Variants in ANKRD6 observed in about 807,000 individuals in gnomAD.
ANKRD6 encodes the protein ankyrin repeat domain 6.
A neutral mutation model predicts 82.3 loss-of-function variants in ANKRD6; 56 were observed. That is an observed-to-expected ratio of 0.68 (90% CI 0.55 to 0.85). The LOEUF (loss-of-function observed/expected upper bound fraction) is 0.85. Among genes scored for constraint, ANKRD6 ranks in the 40% least tolerant of loss-of-function variants. The pLI is 0.00. For synonymous variants in ANKRD6, 347 were observed against 352.1 expected (o/e 0.99, Z 0.16); for missense variants, 852 against 907.6 (o/e 0.94, Z 0.79).
intron 1 of ANKRD6, among the ~76,000 whole-genome samples, chr6:89,473,280 G>A (rs1365632964): frequency 2.6e-5 from 4 of 151,910 alleles, no homozygotes; most frequent in African/African-American, 4.8e-5. Context: ...GCATGGCGGC[G>A]TATGCCCATA....
intron 1 of ANKRD6, among the ~76,000 whole-genome samples, chr6:89,533,727 AGTGTGTGTGTGTGTGT>A (rs59064465): frequency 1.7e-4 from 24 of 142,038 alleles, no homozygotes; most frequent in Admixed American, 4.2e-4. Flanking sequence ...AGAGAAAATG[AGTGTGTGTGTGTGTGT>A]GTGTGTGTGT....
rs560151301 is a variant in ANKRD6 at position 89,454,132 on chromosome 6, G to T, written c.-144+20757G>T. On this transcript the variant is annotated intron_variant, in intron 1 of 15. Coordinates refer to ENST00000339746, the MANE Select transcript of ANKRD6 (RefSeq NM_001242809.2). ...TTCCTTTAATGCGAAGTTTTTGCTG[G>T]TGTCATTTCTTCATTTTTTTTCATC... Among the ~76,000 whole-genome samples the T allele has an allele frequency of 6.6e-5, 10 of 152,136 alleles. No individual in the cohort carries two copies. In the South Asian group the frequency reaches 2.1e-3, roughly 32 times the overall value.
intron 1 of ANKRD6, among the ~76,000 whole-genome samples, chr6:89,469,005 C>G (rs1026804967): frequency 6.6e-6 from 1 of 152,086 alleles, no homozygotes; most frequent in Non-Finnish European, 1.5e-5. Flanking sequence ...AAGCTGTCTC[C>G]TGGCTTTTGG....
In ANKRD6 at chr6:89,532,291, C is replaced by T. The variant is rs186362321; in HGVS notation, c.-143-34543C>T. Among the ~76,000 whole-genome samples, 13 of 152,334 alleles carry T rather than the reference C, an allele frequency of 8.5e-5. No individual in the cohort carries two copies. In the East Asian group the frequency reaches 2.5e-3, roughly 29 times the overall value. ...AACCATCACCTCCCTCTTTTGCTTT[C>T]TGTCGTCTGTTTATACTGGACCTCT... On this transcript the variant is annotated intron_variant, in intron 1 of 15. Transcript: ENST00000339746.
chr6:89,438,948 C>T (rs1770994273), intron 1 of ANKRD6, among the ~76,000 whole-genome samples: 1 of 152,078 alleles, frequency 6.6e-6, no homozygotes, highest in Non-Finnish European at 1.5e-5. Context: ...TGGCCTATTT[C>T]TTACTTTCTA....
At chr6:89,563,173 A>G (rs113841580) in intron 1 of ANKRD6, among the ~76,000 whole-genome samples, 4,247 of 152,320 alleles carry the variant, frequency 0.028, 90 homozygotes, top group Non-Finnish European at 0.042. Flanking sequence ...AGCAAACCTT[A>G]TAGACCTTTT....
chr6:89,460,175 C>A (rs1054732109), intron 1 of ANKRD6, among the ~76,000 whole-genome samples: 1 of 149,766 alleles, frequency 6.7e-6, no homozygotes, highest in South Asian at 2.2e-4. Context: ...AGATCATGAT[C>A]ACAGAGACAG....
chr6:89,567,287 A>G (rs2128072635), intron 2 of ANKRD6, among the ~76,000 whole-genome samples, 191 bp downstream of exon 2: 1 of 152,314 alleles, frequency 6.6e-6, no homozygotes, highest in Non-Finnish European at 1.5e-5. Context: ...GCAACTTGTA[A>G]TTAGCATTTG....
intron 1 of ANKRD6, among the ~76,000 whole-genome samples, chr6:89,559,977 T>C (rs1364958653): frequency 6.6e-6 from 1 of 152,188 alleles, no homozygotes; most frequent in Non-Finnish European, 1.5e-5. Flanking sequence ...ATAAATTGAT[T>C]ATTGGTTTTT....
chr6:89,578,321 A>T (rs1791653701), intron 2 of ANKRD6, among the ~76,000 whole-genome samples: 2 of 106,898 alleles, frequency 1.9e-5, no homozygotes, highest in South Asian at 3.3e-4. Context: ...TTGGAAACAG[A>T]GTCTCACTCT....
chr6:89,484,804 C>G (rs891050786), intron 1 of ANKRD6, among the ~76,000 whole-genome samples: 1 of 152,216 alleles, frequency 6.6e-6, no homozygotes, highest in African/African-American at 2.4e-5. Context: ...AGTGTGAAAT[C>G]TATTCTTAAT....
chr6:89,451,046 G>A (rs923030978), intron 1 of ANKRD6, among the ~76,000 whole-genome samples: 1 of 152,118 alleles, frequency 6.6e-6, no homozygotes, highest in African/African-American at 2.4e-5. Context: ...CATGGCTAAC[G>A]CCTGTAATCC....
At chr6:89,518,250 A>G (rs903031801) in intron 1 of ANKRD6, among the ~76,000 whole-genome samples, 1 of 152,096 alleles carries the variant, frequency 6.6e-6, no homozygotes, top group African/African-American at 2.4e-5. Flanking sequence ...TAAAAATACA[A>G]AATTAGCTGG....
intron 8 of ANKRD6, 78 bp from the exon 9 acceptor site, chr6:89,617,876 C>T: frequency 7.0e-7 from 1 of 1,419,944 alleles, no homozygotes; most frequent in Non-Finnish European, 9.9e-7. Context: ...CTGCTCCTGG[C>T]CAGAGCTGTG....
intron 5 of ANKRD6, among the ~76,000 whole-genome samples, chr6:89,607,687 G>A (rs1167142700): frequency 2.2e-5 from 3 of 137,102 alleles, no homozygotes; most frequent in African/African-American, 8.1e-5. Context: ...ACAGAATCTC[G>A]TTCTGTCACC....
intron 2 of ANKRD6, among the ~76,000 whole-genome samples, chr6:89,573,638 A>C (rs59692241): frequency 0.018 from 2,757 of 152,268 alleles, 81 homozygotes; most frequent in African/African-American, 0.063. Flanking sequence ...TATGTACATA[A>C]ATTTTTTGAG....
intron 7 of ANKRD6, among the ~76,000 whole-genome samples, chr6:89,616,180 C>A (rs1272539562): frequency 6.6e-6 from 1 of 152,214 alleles, no homozygotes; most frequent in Admixed American, 6.5e-5. Context: ...TCTGACCTCC[C>A]TGGGTAAAAG....
intron 1 of ANKRD6, among the ~76,000 whole-genome samples, chr6:89,517,420 T>G (rs1254378444): frequency 1.3e-5 from 2 of 152,244 alleles, no homozygotes; most frequent in African/African-American, 4.8e-5. Flanking sequence ...TAGAATAAAC[T>G]TTGGCCTCTT....
At chr6:89,625,381 A>C (rs1280131279) in intron 13 of ANKRD6, among the ~76,000 whole-genome samples, 1 of 152,190 alleles carries the variant, frequency 6.6e-6, no homozygotes, top group African/African-American at 2.4e-5. Context: ...ATTGCATACA[A>C]AATTAGAATA....
Sources: allele counts gnomAD v4.1 joint callset (sites outside exome capture counted in the v4.1 genomes callset), GRCh38; gene constraint gnomAD v4.1.1; transcripts MANE v1.5; gene names NCBI Gene and HGNC (gene_info 2026-07-23, HGNC 2026-07-21).